The following ZMYM2 variants were observed in gnomAD, a reference collection of about 807,000 sequenced individuals.
ZMYM2 encodes the protein zinc finger MYM-type containing 2, also known as zinc finger MYM-type protein 2.
In ZMYM2, 56 loss-of-function variants were observed where a neutral mutation model predicts 162.8. The observed-to-expected ratio is 0.34, with a 90% CI of 0.28 to 0.43. The LOEUF (loss-of-function observed/expected upper bound fraction) is 0.43, where lower values mean the gene tolerates loss of function less well. Ranked by LOEUF, ZMYM2 falls within the 20% of genes least tolerant of loss-of-function variation. ZMYM2 has a pLI of 1.00. For missense variants in ZMYM2, 1,275 were observed against 1,621.8 expected (o/e 0.79, Z 3.67); for synonymous variants, 510 against 541.6 (o/e 0.94, Z 0.81).
intron 24 of ZMYM2, 36 bp from the exon 25 acceptor site, chr13:20,085,786 A>T: frequency 1.3e-6 from 2 of 1,559,152 alleles, no homozygotes; most frequent in Non-Finnish European, 1.7e-6. Flanking sequence ...AATTTTGTGA[A>T]ATTGACTTTT....
rs1217283137 is a variant in ZMYM2, at chr13:20,006,292, T to G, written c.1300-82T>G. 21 of 1,399,194 alleles carry G rather than the reference T, an allele frequency of 1.5e-5. No individual in the cohort carries two copies. The East Asian group carries it at 4.8e-4, about 32-fold the overall frequency. 86.7% of individuals were successfully genotyped at this position (1,399,194 alleles called of 1,614,324 possible). Reference sequence around the variant, plus strand: ...CCAAACAAGCCTTATTAGGACATCTTTATTTCTGTTCAGAATGCTTTATTA... The same window carrying G: ...CCAAACAAGCCTTATTAGGACATCTGTATTTCTGTTCAGAATGCTTTATTA... On this transcript the variant is annotated intron_variant, in intron 5 of 24. Transcript: ENST00000610343.
intron 12 of ZMYM2, among the ~76,000 whole-genome samples, chr13:20,048,784 T>A (rs981085800): frequency 2.8e-5 from 4 of 142,874 alleles, no homozygotes; most frequent in African/African-American, 9.9e-5. Flanking sequence ...GTTACTTAGA[T>A]TTGTTTGAAC....
At chr13:19,868,834 T>C in the ZMYM2 span, among the ~76,000 whole-genome samples, 1 of 152,176 alleles carries the variant, frequency 6.6e-6, no homozygotes, top group African/African-American at 2.4e-5. Context: ...CACTGCAACT[T>C]CCACCTCCTG....
At chr13:19,868,240 C>A in the ZMYM2 span, among the ~76,000 whole-genome samples, 1 of 152,154 alleles carries the variant, frequency 6.6e-6, no homozygotes, top group Non-Finnish European at 1.5e-5. Flanking sequence ...TTTACAAATA[C>A]CTTTCAAAGG....
the ZMYM2 span, among the ~76,000 whole-genome samples, chr13:19,884,631 A>T: frequency 6.6e-6 from 1 of 152,134 alleles, no homozygotes; most frequent in Non-Finnish European, 1.5e-5. Context: ...TAAAGGTGAC[A>T]CGTACTTAGT....
At chr13:20,079,656 A>G (rs965677213) in intron 21 of ZMYM2, among the ~76,000 whole-genome samples, 1 of 151,078 alleles carries the variant, frequency 6.6e-6, no homozygotes, top group African/African-American at 2.4e-5. Context: ...GTAATAAAAC[A>G]TTTTGTAATT....
At chr13:20,056,784 T>C (rs1955831789) in intron 14 of ZMYM2, among the ~76,000 whole-genome samples, 1 of 152,176 alleles carries the variant, frequency 6.6e-6, no homozygotes, top group Non-Finnish European at 1.5e-5. Flanking sequence ...TGGAATTCTG[T>C]CTTGGGAAAA....
At chr13:19,989,249 A>T (rs1949416575) in intron 2 of ZMYM2, among the ~76,000 whole-genome samples, 1 of 152,050 alleles carries the variant, frequency 6.6e-6, no homozygotes, top group Non-Finnish European at 1.5e-5. Flanking sequence ...GGTACTTTGT[A>T]GGTGTTTTTG....
intron 19 of ZMYM2, 142 bp downstream of exon 19, chr13:20,064,687 A>T (rs1417557419): frequency 6.2e-6 from 2 of 325,184 alleles, no homozygotes; most frequent in Non-Finnish European, 1.0e-5. Context: ...TATATAGAAT[A>T]TAGTAATAAT....
intron 2 of ZMYM2, among the ~76,000 whole-genome samples, chr13:19,990,961 T>G (rs931019038): frequency 6.6e-6 from 1 of 152,184 alleles, no homozygotes; most frequent in Non-Finnish European, 1.5e-5. Flanking sequence ...AAAATGGTTC[T>G]TGTTCAGAGT....
At chr13:19,913,468 T>A in the ZMYM2 span, among the ~76,000 whole-genome samples, 2 of 152,030 alleles carry the variant, frequency 1.3e-5, no homozygotes, top group African/African-American at 4.8e-5. Context: ...CTCACACGTG[T>A]AATCCCAGCA....
the ZMYM2 span, among the ~76,000 whole-genome samples, chr13:19,871,655 G>A: frequency 6.6e-6 from 1 of 152,098 alleles, no homozygotes; most frequent in African/African-American, 2.4e-5. Flanking sequence ...CTTTCATAAA[G>A]TCATGCAGAA....
chr13:19,913,408 C>G, the ZMYM2 span, among the ~76,000 whole-genome samples: 1 of 152,026 alleles, frequency 6.6e-6, no homozygotes, highest in Non-Finnish European at 1.5e-5. Flanking sequence ...ATGGTGCTTA[C>G]TAGATTAGGC....
chr13:19,983,147 C>CTT (rs536615645), intron 2 of ZMYM2, among the ~76,000 whole-genome samples: 11,047 of 141,954 alleles, frequency 0.078, 632 homozygotes, highest in African/African-American at 0.15. Context: ...CCCACTTTCA[C>CTT]TTTTTTTTTT....
intron 2 of ZMYM2, among the ~76,000 whole-genome samples, chr13:19,982,786 T>C (rs1281226049): frequency 6.6e-6 from 1 of 152,242 alleles, no homozygotes; most frequent in Non-Finnish European, 1.5e-5. Context: ...TTCAAAACTT[T>C]GCTTCCTGTG....
chr13:19,937,893 G>GT, the ZMYM2 span, among the ~76,000 whole-genome samples: 1 of 149,952 alleles, frequency 6.7e-6, no homozygotes, highest in Non-Finnish European at 1.5e-5. Context: ...GTGGTGTTTG[G>GT]TTTTTTGTCC....
At chr13:19,976,965 GTATC>G (rs1566196242) in intron 2 of ZMYM2, among the ~76,000 whole-genome samples, 1 of 152,106 alleles carries the variant, frequency 6.6e-6, no homozygotes, top group Non-Finnish European at 1.5e-5. Flanking sequence ...TAGTTGTTAA[GTATC>G]TGTATGTTTA....
chr13:20,028,197 A>G (rs1198290873), intron 9 of ZMYM2: 1 of 159,322 alleles, frequency 6.3e-6, no homozygotes, highest in Non-Finnish European at 1.4e-5. Flanking sequence ...GTTAATAGTA[A>G]TATTCTCACT....
intron 6 of ZMYM2, among the ~76,000 whole-genome samples, chr13:20,014,199 G>C (rs950690787): frequency 6.6e-6 from 1 of 152,054 alleles, no homozygotes; most frequent in Non-Finnish European, 1.5e-5. Flanking sequence ...TCAGCTTCCT[G>C]AGTAGCTGGG....
Sources: gnomAD v4.1 joint callset for allele counts (sites outside exome capture counted in the v4.1 genomes callset) on GRCh38, gnomAD v4.1.1 for gene constraint, MANE v1.5 for transcripts, NCBI Gene and HGNC (gene_info 2026-07-23, HGNC 2026-07-21) for gene names.